Variants in DPF3 observed in about 807,000 individuals in gnomAD.
DPF3 encodes zinc finger protein DPF3.
In DPF3, 18 loss-of-function variants were observed where a neutral mutation model predicts 56.8. The observed-to-expected ratio is 0.32, with a 90% confidence interval of 0.22 to 0.47. The LOEUF is 0.47. Ranked by LOEUF, DPF3 falls within the 20% of genes least tolerant of loss-of-function variation. The pLI is 1.00. For missense variants in DPF3, 403 were observed against 488.8 expected (o/e 0.82, Z 1.65); for synonymous variants, 188 against 180.2 (o/e 1.04, Z -0.35).
chr14:72,863,058 T>TTATATATATATATATATA (rs58405648), intron 1 of DPF3, among the ~76,000 whole-genome samples: 25 of 139,882 alleles, frequency 1.8e-4, no homozygotes, highest in South Asian at 7.3e-4. Context: ...ATTATTCCAT[T>TTATATATATATATATATA]TATATATATA....
At chr14:72,814,151 T>C (rs1165022545) in intron 1 of DPF3, among the ~76,000 whole-genome samples, 1 of 152,144 alleles carries the variant, frequency 6.6e-6, no homozygotes, top group African/African-American at 2.4e-5. Context: ...CAACTGACTG[T>C]CATTTGAATG....
At chr14:72,698,002 CA>C (rs1214312246) in intron 6 of DPF3, among the ~76,000 whole-genome samples, 4 of 152,208 alleles carry the variant, frequency 2.6e-5, no homozygotes, top group African/African-American at 9.6e-5. Flanking sequence ...AGTCTTCACA[CA>C]AGCTCTTTCC....
intron 1 of DPF3, among the ~76,000 whole-genome samples, chr14:72,831,672 A>C (rs1391760895): frequency 6.6e-6 from 1 of 152,240 alleles, no homozygotes; most frequent in Non-Finnish European, 1.5e-5. Flanking sequence ...TCAAGGCTTC[A>C]GTTTTGGCAC....
intron 7 of DPF3, among the ~76,000 whole-genome samples, chr14:72,683,630 G>C (rs901358000): frequency 8.5e-5 from 13 of 152,162 alleles, no homozygotes; most frequent in African/African-American, 3.1e-4. Flanking sequence ...TGGCTCACTT[G>C]GCTCTGAACC....
chr14:72,798,179 G>A (rs942297191), intron 1 of DPF3, among the ~76,000 whole-genome samples: 2 of 149,162 alleles, frequency 1.3e-5, no homozygotes, highest in African/African-American at 2.5e-5. Flanking sequence ...GATTGAACCC[G>A]GGAGGTGGAG....
intron 4 of DPF3, among the ~76,000 whole-genome samples, chr14:72,725,858 C>A (rs1261987451): frequency 1.3e-5 from 2 of 152,122 alleles, no homozygotes; most frequent in Non-Finnish European, 2.9e-5. Context: ...TTCTAGTCAC[C>A]CAATCCATCC....
chr14:72,659,540 C>T (rs1339707098), intron 8 of DPF3, among the ~76,000 whole-genome samples: 1 of 152,174 alleles, frequency 6.6e-6, no homozygotes, highest in African/African-American at 2.4e-5. Flanking sequence ...CATGCCAGAC[C>T]TCTCATCCCT....
chr14:72,884,099 A>AAAGGCCC (rs1174336941), intron 1 of DPF3, among the ~76,000 whole-genome samples: 2 of 152,150 alleles, frequency 1.3e-5, no homozygotes, highest in African/African-American at 4.8e-5. Context: ...GGCAAGGACC[A>AAAGGCCC]AAGGCCCAAG....
chr14:72,658,301 T>A (rs1446588662), intron 8 of DPF3, among the ~76,000 whole-genome samples: 1 of 152,134 alleles, frequency 6.6e-6, no homozygotes, highest in Non-Finnish European at 1.5e-5. Flanking sequence ...ACAAAAAATT[T>A]AAAAAATTTG....
chr14:72,710,084 T>C (rs1658233108), intron 6 of DPF3, among the ~76,000 whole-genome samples: 1 of 152,098 alleles, frequency 6.6e-6, no homozygotes, highest in African/African-American at 2.4e-5. Context: ...ACAAAGAAAA[T>C]GGAAAAGTGG....
intron 6 of DPF3, among the ~76,000 whole-genome samples, chr14:72,713,170 T>C (rs557372537): frequency 6.6e-6 from 1 of 152,348 alleles, no homozygotes; most frequent in African/African-American, 2.4e-5. Context: ...GCCCTGCTCC[T>C]TCCTCATCCT....
chr14:72,836,424 G>A lies in DPF3; in HGVS notation c.32+57633C>T, dbSNP rs1005698312. On this transcript the variant is annotated intron_variant, in intron 1 of 10. Coordinates refer to ENST00000556509, the MANE Select transcript of DPF3 (RefSeq NM_001280542.3). ...GGCCTACTCCAGCCACTGGATAAGC[G>A]CACCCTCCTCCATGCCTCCCTGCTC... 2.0e-5 allele frequency: 20 copies of A among 985,484 alleles called. No individual in the cohort carries two copies. In the African/African-American group the frequency reaches 2.1e-4, roughly 10 times the overall value. The allele number at this position is 985,484 out of a possible 1,614,324, so 61.0% of individuals were successfully genotyped here. A position where few individuals can be genotyped will look rare whatever the true frequency, so the allele number is the denominator to read the frequency against.
chr14:72,758,629 C>T (rs1400031039), intron 2 of DPF3, among the ~76,000 whole-genome samples: 2 of 152,086 alleles, frequency 1.3e-5, no homozygotes, highest in African/African-American at 2.4e-5. Flanking sequence ...TAACAGCGCT[C>T]GGTGTGCACA....
rs950063653 is a variant in DPF3 at position 72,879,768 on chromosome 14, C to T, written c.32+14289G>A. On this transcript the variant is annotated intron_variant, in intron 1 of 10. Coordinates refer to ENST00000556509, the MANE Select transcript of DPF3 (RefSeq NM_001280542.3). ...GACACAGAGCATCCCCTCAGACTAA[C>T]AAGTTCACACACGTCTCTCACACTG... 6.1e-5 allele frequency: 92 copies of T among 1,514,692 alleles called. No individual in the cohort carries two copies. The Admixed American group carries it at 1.9e-3, about 32-fold the overall frequency. 93.8% of individuals were successfully genotyped at this position (1,514,692 alleles called of 1,614,324 possible). A position where few individuals can be genotyped will look rare whatever the true frequency, so the allele number is the denominator to read the frequency against.
At chr14:72,717,744 T>A (rs772514469) in intron 5 of DPF3, among the ~76,000 whole-genome samples, 19 of 152,232 alleles carry the variant, frequency 1.2e-4, no homozygotes, top group Admixed American at 3.3e-4. Context: ...GGTTCTCACC[T>A]GTCCACAGTC....
At chr14:72,778,812 T>C (rs1053153496) in intron 1 of DPF3, among the ~76,000 whole-genome samples, 5 of 152,224 alleles carry the variant, frequency 3.3e-5, no homozygotes, top group Non-Finnish European at 5.9e-5. Flanking sequence ...ACATTTTTTC[T>C]TCTTCTAACA....
At chr14:72,813,945 C>T (rs116433251) in intron 1 of DPF3, among the ~76,000 whole-genome samples, 2,311 of 152,152 alleles carry the variant, frequency 0.015, 58 homozygotes, top group African/African-American at 0.052. Context: ...CAGAGGTTGG[C>T]GAGGCAAAGG....
At chr14:72,796,806 T>A (rs150332579) in intron 1 of DPF3, among the ~76,000 whole-genome samples, 2 of 152,132 alleles carry the variant, frequency 1.3e-5, no homozygotes, top group Non-Finnish European at 1.5e-5. Flanking sequence ...ACAACTATCA[T>A]TGTCGATAGT....
In DPF3 at chr14:72,615,467, G is replaced by C. The variant is rs979409836; in HGVS notation, c.*3830C>G. ...TGAAAGGAAGCGGGCTGTATTCAAA[G>C]CACGAATACAAAAATGCACCAGGAG... is the stretch of plus-strand genomic sequence containing the variant. On this transcript the variant is annotated 3_prime_UTR_variant, in exon 11 of 11. Coordinates refer to ENST00000556509, the MANE Select transcript of DPF3 (RefSeq NM_001280542.3). 6.6e-6 allele frequency among the ~76,000 whole-genome samples: 1 copy of C among 152,194 alleles called. No homozygotes were observed. Among genetic ancestry groups the C allele is most frequent in the African/African-American group, 2.4e-5 (1 of 41,458 alleles).
Sources: gnomAD v4.1 joint callset for allele counts (sites outside exome capture counted in the v4.1 genomes callset) on GRCh38, gnomAD v4.1.1 for gene constraint, MANE v1.5 for transcripts, NCBI Gene and HGNC (gene_info 2026-07-23, HGNC 2026-07-21) for gene names.